Variants in TGM4 observed in about 807,000 individuals in gnomAD.
TGM4 encodes protein-glutamine gamma-glutamyltransferase 4.
A neutral mutation model predicts 76.3 loss-of-function variants in TGM4; 61 were observed. The ratio of observed to expected loss-of-function variants is 0.80; its 90% CI spans 0.65 to 0.99. The LOEUF (loss-of-function observed/expected upper bound fraction) is 0.99. TGM4 is among the 50% of genes least tolerant of loss of function. The probability of loss-of-function intolerance (pLI) is 0.00; values close to 1 mark genes in which losing one functional copy is unlikely to be tolerated. For synonymous variants in TGM4, 337 were observed against 329.8 expected, an observed-to-expected ratio of 1.02 and a Z score of -0.24; for missense variants, 794 against 843.2, an observed-to-expected ratio of 0.94 and a Z score of 0.72.
intron 10 of TGM4, among the ~76,000 whole-genome samples, chr3:44,908,573 T>TC (rs1699957604): frequency 2.6e-5 from 1 of 38,828 alleles, no homozygotes; most frequent in Non-Finnish European, 5.4e-5. Flanking sequence ...TCAGACTAGA[T>TC]AATCTTATGA....
intron 9 of TGM4, among the ~76,000 whole-genome samples, 163 bp downstream of exon 9, chr3:44,904,150 AGGGGC>A (rs1699893216): frequency 6.6e-6 from 1 of 152,240 alleles, no homozygotes; most frequent in Non-Finnish European, 1.5e-5. Context: ...CCCACTGAGC[AGGGGC>A]TTCAGTTTGC....
At chr3:44,896,390 C>T (rs1054498488) in intron 5 of TGM4, among the ~76,000 whole-genome samples, 16 of 152,196 alleles carry the variant, frequency 1.1e-4, no homozygotes, top group African/African-American at 3.4e-4. Context: ...GGATTACAGG[C>T]GTGAGCCACC....
intron 1 of TGM4, among the ~76,000 whole-genome samples, chr3:44,875,761 C>T (rs775967682): frequency 2.4e-4 from 36 of 152,222 alleles, no homozygotes; most frequent in Admixed American, 7.8e-4. Context: ...GCCAGACCCT[C>T]CTAGTTTCCA....
intron 1 of TGM4, among the ~76,000 whole-genome samples, chr3:44,879,473 AT>A (rs1184527794): frequency 0.01 from 1,265 of 123,706 alleles, 17 homozygotes; most frequent in African/African-American, 0.033. Flanking sequence ...AGCCTGGCTA[AT>A]TTTTTTTTTT....
At chr3:44,897,874 C>A (rs546373811) in intron 6 of TGM4, among the ~76,000 whole-genome samples, 1 of 152,142 alleles carries the variant, frequency 6.6e-6, no homozygotes, top group Admixed American at 6.5e-5. Context: ...TTTTGCAAAT[C>A]TCTTTAATGT....
At chr3:44,894,588 G>A (rs1699754674) in intron 5 of TGM4, among the ~76,000 whole-genome samples, 1 of 151,270 alleles carries the variant, frequency 6.6e-6, no homozygotes, top group Non-Finnish European at 1.5e-5. Context: ...CCTTCGTGCA[G>A]CCATGAGGCA....
At chr3:44,878,215 T>C (rs986820712) in intron 1 of TGM4, among the ~76,000 whole-genome samples, 1 of 151,194 alleles carries the variant, frequency 6.6e-6, no homozygotes. Flanking sequence ...AGGAGATAAA[T>C]TTCAAGACAT....
At chr3:44,911,912 C>T (rs1700010789) in intron 13 of TGM4, among the ~76,000 whole-genome samples, 1 of 152,204 alleles carries the variant, frequency 6.6e-6, no homozygotes, top group African/African-American at 2.4e-5. Context: ...ACTGCAATCT[C>T]CATCCGTCCC....
At chr3:44,893,753 G>C (rs556173289) in intron 5 of TGM4, 58 bp downstream of exon 5, 33 of 1,424,564 alleles carry the variant, frequency 2.3e-5, no homozygotes, top group Non-Finnish European at 3.2e-5. Flanking sequence ...CACCCTTTTA[G>C]CTGGGTAGTA....
chr3:44,910,402 G>A, intron 11 of TGM4, 34 bp downstream of exon 11: 4 of 1,602,094 alleles, frequency 2.5e-6, no homozygotes, highest in South Asian at 2.2e-5. Context: ...GGCCTCAAGT[G>A]GGCTCAGGGT....
At chr3:44,893,753 G>A (rs556173289) in intron 5 of TGM4, 58 bp downstream of exon 5, 2 of 1,424,680 alleles carry the variant, frequency 1.4e-6, no homozygotes, top group African/African-American at 1.4e-5. Context: ...CACCCTTTTA[G>A]CTGGGTAGTA....
chr3:44,879,798 TTTTA>T (rs1302419056), intron 1 of TGM4, among the ~76,000 whole-genome samples: 1 of 151,666 alleles, frequency 6.6e-6, no homozygotes, highest in Non-Finnish European at 1.5e-5. Flanking sequence ...TAATATTTTA[TTTTA>T]TTTATTATTT....
intron 1 of TGM4, among the ~76,000 whole-genome samples, chr3:44,884,943 A>G (rs1443441879): frequency 1.3e-5 from 2 of 152,174 alleles, no homozygotes; most frequent in East Asian, 1.9e-4. Flanking sequence ...TCCTGAGGCC[A>G]TGTCTGCAGA....
intron 4 of TGM4, among the ~76,000 whole-genome samples, chr3:44,891,250 GC>G (rs1699692296): frequency 6.6e-6 from 1 of 152,188 alleles, no homozygotes; most frequent in Non-Finnish European, 1.5e-5. Context: ...TCTTCTTGCA[GC>G]CTCAAATGCG....
intron 2 of TGM4, among the ~76,000 whole-genome samples, chr3:44,886,039 A>G (rs1699602975): frequency 6.6e-6 from 1 of 152,080 alleles, no homozygotes; most frequent in Non-Finnish European, 1.5e-5. Flanking sequence ...TGTTGTTTTT[A>G]AGTTTTAAAA....
intron 10 of TGM4, among the ~76,000 whole-genome samples, chr3:44,909,510 T>G (rs1428371520): frequency 2.0e-5 from 3 of 152,200 alleles, no homozygotes; most frequent in African/African-American, 7.2e-5. Context: ...GTCAGGTCAA[T>G]GAAGACAAAC....
In TGM4 at chr3:44,896,747, G is replaced by A; in HGVS notation, c.588G>A (p.Leu196=). ...TCCTGGACTGCTGCATTTCCCTGCT[G>A]ACTGAGAGCTCCCTCAAGCCCACAG... ...KNVLDCCISL[L]TESSLKPTDR... Residue 196 remains leucine, a synonymous_variant, in exon 6 of 14, where the codon CTG becomes CTA. Coordinates refer to ENST00000296125, the MANE Select transcript of TGM4 (RefSeq NM_003241.4). The A allele has an allele frequency of 4.3e-6, 7 of 1,614,188 alleles. No individual in the cohort carries two copies. The highest frequency in any genetic ancestry group is 5.9e-6 in the Non-Finnish European group (7 of 1,180,040).
At chr3:44,875,535 C>A (rs980222174) in intron 1 of TGM4, among the ~76,000 whole-genome samples, 1 of 152,152 alleles carries the variant, frequency 6.6e-6, no homozygotes, top group African/African-American at 2.4e-5. Context: ...CGCCTACCAC[C>A]ACCAAGAGCA....
intron 9 of TGM4, among the ~76,000 whole-genome samples, chr3:44,905,066 C>T (rs1699904520): frequency 6.6e-6 from 1 of 152,130 alleles, no homozygotes; most frequent in African/African-American, 2.4e-5. Context: ...CTCACTGCAA[C>T]CTCTGCCTCC....
Sources: gnomAD v4.1 joint callset for allele counts (sites outside exome capture counted in the v4.1 genomes callset) on GRCh38, gnomAD v4.1.1 for gene constraint, MANE v1.5 for transcripts, NCBI Gene and HGNC (gene_info 2026-07-23, HGNC 2026-07-21) for gene names.